The following CSMD3 variants were observed in gnomAD, a reference collection of about 807,000 sequenced individuals.
CSMD3 encodes the protein CUB and Sushi multiple domains 3, also known as CUB and sushi domain-containing protein 3.
CSMD3 carries 177 observed loss-of-function variants against 435.2 expected under a neutral mutation model. That is an observed-to-expected ratio of 0.41 (90% CI 0.36 to 0.46). The LOEUF (loss-of-function observed/expected upper bound fraction) is 0.46, where lower values mean the gene tolerates loss of function less well. Ranked by LOEUF, CSMD3 falls within the 20% of genes least tolerant of loss-of-function variation. The pLI is 0.34. For missense variants in CSMD3, 4,265 were observed against 4,504.6 expected (o/e 0.95, Z 1.52); for synonymous variants, 1,656 against 1,520.5 (o/e 1.09, Z -2.07).
At chr8:112,960,247 A>G (rs1248547884) in intron 7 of CSMD3, among the ~76,000 whole-genome samples, 1 of 151,548 alleles carries the variant, frequency 6.6e-6, no homozygotes, top group African/African-American at 2.4e-5. Context: ...TACTTATCAC[A>G]GAGGCTGCTA....
intron 3 of CSMD3, among the ~76,000 whole-genome samples, chr8:113,232,281 G>T (rs1414191552): frequency 6.6e-6 from 1 of 151,418 alleles, no homozygotes. Context: ...AACAGATTTA[G>T]GAAAAATAAG....
intron 3 of CSMD3, among the ~76,000 whole-genome samples, chr8:113,211,567 T>C (rs1330182856): frequency 6.6e-6 from 1 of 152,086 alleles, no homozygotes; most frequent in African/African-American, 2.4e-5. Context: ...CGTGTGCTTG[T>C]AATCCCAGCT....
Position 113,092,114 on chromosome 8 carries a change from G to A in CSMD3, c.917+6642C>T, listed in dbSNP as rs184074709. On this transcript the variant is annotated intron_variant, in intron 5 of 70. Transcript: ENST00000297405. Reference sequence around the variant, plus strand: ...CTTTTATTCCCATATGTAGAGCTTCGAAATCAATTAAGTTCCTTACAACCT... The same window carrying A: ...CTTTTATTCCCATATGTAGAGCTTCAAAATCAATTAAGTTCCTTACAACCT... 1.7e-3 allele frequency among the ~76,000 whole-genome samples: 264 copies of A among 152,036 alleles called. 1 individual carries two copies. The highest frequency in any genetic ancestry group is 3.1e-3 in the African/African-American group (128 of 41,502).
At chr8:113,296,932 A>G (rs956811947) in intron 2 of CSMD3, among the ~76,000 whole-genome samples, 22 of 152,294 alleles carry the variant, frequency 1.4e-4, no homozygotes, top group Admixed American at 1.4e-3. Flanking sequence ...CCTTGTAAAC[A>G]CAAGCGAAAA....
At chr8:113,333,013 G>T (rs747694077) in intron 1 of CSMD3, among the ~76,000 whole-genome samples, 63 of 151,558 alleles carry the variant, frequency 4.2e-4, no homozygotes, top group Non-Finnish European at 7.7e-4. Context: ...GGAGTCAAGA[G>T]GGGAACTGAG....
intron 2 of CSMD3, among the ~76,000 whole-genome samples, chr8:113,299,985 C>G (rs931397436): frequency 6.8e-6 from 1 of 145,994 alleles, no homozygotes. Context: ...GAGCAAGCCT[C>G]CATCTCAAAA....
At chr8:112,545,617 A>AT (rs1827120544) in intron 27 of CSMD3, among the ~76,000 whole-genome samples, 1 of 151,742 alleles carries the variant, frequency 6.6e-6, no homozygotes, top group Non-Finnish European at 1.5e-5. Flanking sequence ...CCTATGTTCT[A>AT]TCCTTGAAAG....
intron 3 of CSMD3, among the ~76,000 whole-genome samples, chr8:113,233,300 T>A (rs934526472): frequency 8.6e-5 from 13 of 151,422 alleles, no homozygotes; most frequent in Non-Finnish European, 3.0e-5. Flanking sequence ...TCATAGTTGA[T>A]GCTATTGTGT....
intron 31 of CSMD3, among the ~76,000 whole-genome samples, chr8:112,481,681 T>C (rs1031696962): frequency 6.6e-6 from 1 of 152,202 alleles, no homozygotes; most frequent in African/African-American, 2.4e-5. Context: ...GTATAGAATA[T>C]GTTTGAAAGC....
chr8:112,242,060 G>A (rs748965711), intron 65 of CSMD3, among the ~76,000 whole-genome samples: 3 of 152,136 alleles, frequency 2.0e-5, no homozygotes, highest in Non-Finnish European at 4.4e-5. Flanking sequence ...ATCTTGGGAT[G>A]TCATTTCTTA....
At chr8:113,308,197 C>T (rs941428618) in intron 2 of CSMD3, among the ~76,000 whole-genome samples, 1 of 145,934 alleles carries the variant, frequency 6.9e-6, no homozygotes, top group Non-Finnish European at 1.5e-5. Context: ...GAGATATTGA[C>T]ATGTAGCAAC....
intron 9 of CSMD3, among the ~76,000 whole-genome samples, chr8:112,927,889 C>T (rs997166944): frequency 1.3e-5 from 2 of 152,078 alleles, no homozygotes; most frequent in Admixed American, 1.3e-4. Context: ...GATATTGTTA[C>T]TGGGTATCTT....
intron 28 of CSMD3, among the ~76,000 whole-genome samples, chr8:112,516,825 T>C (rs565645523): frequency 6.6e-6 from 1 of 152,242 alleles, no homozygotes; most frequent in Admixed American, 6.5e-5. Flanking sequence ...CTTAGAAGCA[T>C]TGAAAAAATT....
At chr8:112,276,324 A>T (rs1328581640) in intron 59 of CSMD3, among the ~76,000 whole-genome samples, 1 of 152,304 alleles carries the variant, frequency 6.6e-6, no homozygotes, top group East Asian at 1.9e-4. Flanking sequence ...GCATTGAGTA[A>T]CTGTGACTTT....
chr8:112,812,224 G>A (rs575742241), intron 12 of CSMD3, among the ~76,000 whole-genome samples: 3 of 152,060 alleles, frequency 2.0e-5, no homozygotes, highest in Non-Finnish European at 4.4e-5. Context: ...TGGGTGAGTG[G>A]GCTTAAACAT....
intron 69 of CSMD3, 117 bp downstream of exon 69, chr8:112,231,428 T>G: frequency 1.3e-6 from 1 of 758,386 alleles, no homozygotes; most frequent in Non-Finnish European, 2.4e-6. Flanking sequence ...TGCATAGTTC[T>G]GGCAGTACAG....
intron 10 of CSMD3, among the ~76,000 whole-genome samples, chr8:112,883,270 C>A (rs2081498365): frequency 6.6e-6 from 1 of 151,808 alleles, no homozygotes; most frequent in African/African-American, 2.4e-5. Context: ...CTATAATAGC[C>A]AAATAAATAT....
intron 1 of CSMD3, among the ~76,000 whole-genome samples, chr8:113,427,788 C>G (rs2942850): frequency 0.53 from 80,966 of 151,412 alleles, 22,005 homozygotes; most frequent in Admixed American, 0.68. Flanking sequence ...TGGGGACACT[C>G]TGAGAACTTC....
chr8:112,511,416 G>A (rs1447340878), intron 28 of CSMD3, among the ~76,000 whole-genome samples: 1 of 129,102 alleles, frequency 7.7e-6, no homozygotes, highest in Non-Finnish European at 1.6e-5. Context: ...TTGAGATGGA[G>A]TCTCGCTCTG....
Sources: allele counts gnomAD v4.1 joint callset (sites outside exome capture counted in the v4.1 genomes callset), GRCh38; gene constraint gnomAD v4.1.1; transcripts MANE v1.5; gene names NCBI Gene and HGNC (gene_info 2026-07-23, HGNC 2026-07-21).